Variants in GRIK2 observed in about 807,000 individuals in gnomAD.
The protein encoded by GRIK2 is glutamate receptor ionotropic, kainate 2.
In GRIK2, 32 loss-of-function variants were observed where a neutral mutation model predicts 100.3. The ratio of observed to expected loss-of-function variants is 0.32; its 90% confidence interval spans 0.24 to 0.43. The LOEUF (loss-of-function observed/expected upper bound fraction) is 0.43, where lower values mean the gene tolerates loss of function less well. GRIK2 is among the 20% of genes least tolerant of loss of function. The pLI is 1.00. For synonymous variants in GRIK2, 417 were observed against 389.4 expected (o/e 1.07, Z -0.83); for missense variants, 843 against 1,114.9 (o/e 0.76, Z 3.47).
At chr6:101,571,403 ATTTAT>A (rs1157132807) in intron 2 of GRIK2, among the ~76,000 whole-genome samples, 4 of 152,156 alleles carry the variant, frequency 2.6e-5, no homozygotes, top group African/African-American at 4.8e-5. Context: ...TTCAATTCAC[ATTTAT>A]TTTATCTTTT....
rs116191581 is a variant in GRIK2 at position 101,952,011 on chromosome 6, C to T, written c.2085+23379C>T. On this transcript the variant is annotated intron_variant, in intron 14 of 16. Transcript: ENST00000369134. ...TTAGAGAAAAGACAGGTAACATTTCCGTCATCACAAACACATCATGTTTTC... is the reference window on the plus strand; with the variant it reads ...TTAGAGAAAAGACAGGTAACATTTCTGTCATCACAAACACATCATGTTTTC... Among the ~76,000 whole-genome samples, 759 of 152,292 alleles carry T rather than the reference C, an allele frequency of 5.0e-3. 9 individuals are homozygous for T. The highest frequency in any genetic ancestry group is 0.017 in the African/African-American group (694 of 41,554).
At chr6:102,010,628 T>G (rs552951041) in intron 14 of GRIK2, among the ~76,000 whole-genome samples, 5 of 151,562 alleles carry the variant, frequency 3.3e-5, no homozygotes, top group African/African-American at 1.2e-4. Context: ...CTCATGATTC[T>G]CCCCTCTGCC....
chr6:101,747,881 A>C (rs9399727), intron 7 of GRIK2, among the ~76,000 whole-genome samples: 14,867 of 152,162 alleles, frequency 0.098, 853 homozygotes, highest in South Asian at 0.21. Context: ...TTTCACAACA[A>C]TCTTATCTTA....
chr6:101,676,648 C>G lies in GRIK2; in HGVS notation c.567C>G (p.Ile189Met), dbSNP rs764671899. 5 of 1,579,378 alleles carry G rather than the reference C, an allele frequency of 3.2e-6. No individual in the cohort carries two copies. The highest frequency in any genetic ancestry group is 4.3e-6 in the Non-Finnish European group (5 of 1,162,592). ...GTCTCATTCGTTTGCAAGAGCTCAT[C>G]AAAGCTCCATCAAGGTATAATCTTC... ...STGLIRLQELIKAPSRYNLRL... is the reference protein window; with the variant it reads ...STGLIRLQELMKAPSRYNLRL... The change falls in exon 5 of 17, where the codon ATC becomes ATG. Residue 189 changes from isoleucine (I) to methionine (M), a missense_variant. Transcript: ENST00000369134.
intron 2 of GRIK2, among the ~76,000 whole-genome samples, chr6:101,526,354 A>G (rs1775155976): frequency 6.6e-6 from 1 of 152,234 alleles, no homozygotes. Flanking sequence ...GAGTTAGGCT[A>G]GAATTGCTAA....
At chr6:101,722,410 T>C (rs942295400) in intron 7 of GRIK2, among the ~76,000 whole-genome samples, 1 of 152,080 alleles carries the variant, frequency 6.6e-6, no homozygotes, top group African/African-American at 2.4e-5. Context: ...ATCCAAGTAA[T>C]ACCTGTGCAT....
chr6:101,525,401 G>T (rs961755374), intron 2 of GRIK2, among the ~76,000 whole-genome samples: 1 of 152,134 alleles, frequency 6.6e-6, no homozygotes, highest in African/African-American at 2.4e-5. Flanking sequence ...GTATTCTGAT[G>T]ATTATGGTGG....
intron 14 of GRIK2, among the ~76,000 whole-genome samples, chr6:102,013,792 G>A (rs1479460894): frequency 6.6e-6 from 1 of 152,018 alleles, no homozygotes; most frequent in African/African-American, 2.4e-5. Flanking sequence ...ACTTGATTGT[G>A]GTGGATTTGT....
chr6:102,063,224 T>G (rs1241899122), intron 16 of GRIK2, among the ~76,000 whole-genome samples: 4 of 150,694 alleles, frequency 2.7e-5, no homozygotes, highest in Non-Finnish European at 6.0e-5. Flanking sequence ...AGAAATTGTA[T>G]GTAGAAATGG....
chr6:101,622,387 ATTT>A (rs1562266660), intron 3 of GRIK2, among the ~76,000 whole-genome samples: 2 of 151,644 alleles, frequency 1.3e-5, no homozygotes, highest in Non-Finnish European at 3.0e-5. Flanking sequence ...AAGCATTCCT[ATTT>A]TTAAGAACCC....
intron 7 of GRIK2, among the ~76,000 whole-genome samples, chr6:101,773,231 A>G (rs1778514737): frequency 1.3e-5 from 2 of 152,338 alleles, no homozygotes; most frequent in South Asian, 4.1e-4. Flanking sequence ...CTGTAATCCC[A>G]GCACTTTGGG....
intron 2 of GRIK2, among the ~76,000 whole-genome samples, chr6:101,608,784 GGT>G (rs71689029): frequency 0.11 from 15,841 of 141,654 alleles, 859 homozygotes; most frequent in Admixed American, 0.17. Context: ...CTCATAGAGG[GGT>G]GTGTGTGTGT....
chr6:101,544,317 T>G (rs1459196181), intron 2 of GRIK2, among the ~76,000 whole-genome samples: 11 of 152,206 alleles, frequency 7.2e-5, no homozygotes. Context: ...TAAGATATTG[T>G]GCATTCTAAA....
rs1348585028 is a variant in GRIK2, at chr6:102,069,156, G to A, written c.*645G>A. 1.3e-5 allele frequency: 2 copies of A among 148,410 alleles called. No homozygotes were observed. Among genetic ancestry groups the A allele is most frequent in the East Asian group, 3.9e-4 (2 of 5,106 alleles). 9.2% of individuals were successfully genotyped at this position (148,410 alleles called of 1,614,324 possible). On this transcript the variant is annotated 3_prime_UTR_variant, in exon 17 of 17. Coordinates refer to ENST00000369134, the MANE Select transcript of GRIK2 (RefSeq NM_021956.5). The stretch of plus-strand genomic sequence containing the variant: ...TTCTTATTTTTTTTTTTGACAGTCT[G>A]TGTCACTGATTGAGATAGAAATGCC...
chr6:101,620,179 C>G (rs1780085775), intron 2 of GRIK2: 1 of 786,252 alleles, frequency 1.3e-6, no homozygotes, highest in Non-Finnish European at 1.5e-6. Context: ...TAAACCCGGT[C>G]TAGCTCCAAA....
chr6:101,820,726 G>A (rs1781905040), intron 10 of GRIK2, among the ~76,000 whole-genome samples: 1 of 152,192 alleles, frequency 6.6e-6, no homozygotes. Context: ...ATAGGCGTGA[G>A]CCACTGCACC....
At chr6:101,638,992 A>C (rs1397012744) in intron 4 of GRIK2, among the ~76,000 whole-genome samples, 1 of 152,124 alleles carries the variant, frequency 6.6e-6, no homozygotes, top group African/African-American at 2.4e-5. Context: ...GTTTCAAACA[A>C]ATACACAAAC....
At chr6:101,591,109 A>G (rs993182423) in intron 2 of GRIK2, among the ~76,000 whole-genome samples, 1 of 151,942 alleles carries the variant, frequency 6.6e-6, no homozygotes, top group Non-Finnish European at 1.5e-5. Context: ...TTTTAAATTA[A>G]TGTATTTTTC....
At chr6:102,024,799 A>G (rs1769608235) in intron 14 of GRIK2, among the ~76,000 whole-genome samples, 1 of 151,016 alleles carries the variant, frequency 6.6e-6, no homozygotes, top group Non-Finnish European at 1.5e-5. Context: ...ATATACATAT[A>G]TTTTTCTTAT....
Sources: gnomAD v4.1 joint callset for allele counts (sites outside exome capture counted in the v4.1 genomes callset) on GRCh38, gnomAD v4.1.1 for gene constraint, MANE v1.5 for transcripts, NCBI Gene and HGNC (gene_info 2026-07-23, HGNC 2026-07-21) for gene names.